Variants in ZNF536 observed in about 807,000 individuals in gnomAD.
ZNF536 encodes the protein zinc finger protein 536.
In ZNF536, 13 loss-of-function variants were observed where a neutral mutation model predicts 84.5. The observed-to-expected ratio is 0.15, with a 90% CI of 0.10 to 0.24. The LOEUF (loss-of-function observed/expected upper bound fraction) is 0.24. Ranked by LOEUF, ZNF536 falls within the 10% of genes least tolerant of loss-of-function variation. ZNF536 has a pLI of 1.00. For synonymous variants in ZNF536, 811 were observed against 742.5 expected (o/e 1.09, Z -1.50); for missense variants, 1,536 against 1,747.5 (o/e 0.88, Z 2.16).
At chr19:30,431,214 G>A (rs926932610) in intron 1 of ZNF536, among the ~76,000 whole-genome samples, 3 of 152,160 alleles carry the variant, frequency 2.0e-5, no homozygotes, top group African/African-American at 7.2e-5. Flanking sequence ...CGTTGAGGGG[G>A]TCAGAGTCAG....
intron 1 of ZNF536, among the ~76,000 whole-genome samples, chr19:30,386,635 C>T (rs1251544816): frequency 6.6e-6 from 1 of 152,230 alleles, no homozygotes; most frequent in Non-Finnish European, 1.5e-5. Flanking sequence ...GCCTTGGCCT[C>T]CCAAAATGTT....
Position 30,626,605 on chromosome 19 carries a change from C to T in ZNF536, c.169+77091C>T, listed in dbSNP as rs180772979. Among the ~76,000 whole-genome samples, 858 of 152,252 alleles carry T rather than the reference C, an allele frequency of 5.6e-3. 3 individuals carry two copies. The highest frequency in any genetic ancestry group is 9.5e-3 in the Non-Finnish European group (646 of 68,024). On this transcript the variant is annotated intron_variant, in intron 1 of 1. Transcript: ENST00000592773. ...CTGGAGCCTGGGAGGCCTTTTCCCCCGCTACCCCCACTTGGAGGCTCAGGA... is the reference window on the plus strand; with the variant it reads ...CTGGAGCCTGGGAGGCCTTTTCCCCTGCTACCCCCACTTGGAGGCTCAGGA...
intron 1 of ZNF536, chr19:30,436,518 A>C (rs1764259326): frequency 1.0e-6 from 1 of 985,152 alleles, no homozygotes; most frequent in Admixed American, 6.2e-5. Flanking sequence ...TCTAGGCCAA[A>C]ATGTAAGCAT....
At chr19:30,606,632 A>G (rs975917222) in intron 1 of ZNF536, among the ~76,000 whole-genome samples, 18 of 152,212 alleles carry the variant, frequency 1.2e-4, no homozygotes, top group African/African-American at 3.4e-4. Flanking sequence ...TCCATCATGA[A>G]TTGGTAGGTA....
chr19:30,498,549 C>T (rs939145380), intron 2 of ZNF536, among the ~76,000 whole-genome samples: 2 of 151,762 alleles, frequency 1.3e-5, no homozygotes, highest in African/African-American at 4.8e-5. Context: ...CACATGTTTG[C>T]CTATGTAACA....
rs113523505 is a variant in ZNF536, at chr19:30,694,093, C to T, written c.170-16664C>T. On this transcript the variant is annotated intron_variant, in intron 1 of 1. Transcript: ENST00000592773. ...TGCCAGCTTTCAGTGGATTGGATAT[C>T]GATACACTTAAGGTGCTTCATGCTG... Among the ~76,000 whole-genome samples the T allele has an allele frequency of 4.8e-3, 734 of 152,218 alleles. 9 individuals are homozygous for T. The highest frequency in any genetic ancestry group is 0.017 in the African/African-American group (695 of 41,536).
At chr19:30,622,059 C>T (rs1347469407) in intron 1 of ZNF536, among the ~76,000 whole-genome samples, 3 of 152,200 alleles carry the variant, frequency 2.0e-5, no homozygotes, top group Admixed American at 6.5e-5. Context: ...CCATCAACTT[C>T]CCGGCTTGAA....
chr19:30,462,427 ATTT>A (rs975324023), intron 2 of ZNF536, among the ~76,000 whole-genome samples: 1 of 151,272 alleles, frequency 6.6e-6, no homozygotes, highest in Non-Finnish European at 1.5e-5. Flanking sequence ...AGTTACCTTA[ATTT>A]TTCAGGTGTA....
At chr19:30,542,851 C>T (rs1320942157) in intron 3 of ZNF536, among the ~76,000 whole-genome samples, 1 of 152,112 alleles carries the variant, frequency 6.6e-6, no homozygotes, top group Non-Finnish European at 1.5e-5. Context: ...TCACTCTATC[C>T]CCCAGGTTGG....
intron 1 of ZNF536, among the ~76,000 whole-genome samples, chr19:30,275,123 G>A (rs1203477385): frequency 2.6e-5 from 4 of 152,160 alleles, no homozygotes; most frequent in Non-Finnish European, 5.9e-5. Context: ...TGGGTGGAGC[G>A]AGGTTCAGGG....
intron 3 of ZNF536, among the ~76,000 whole-genome samples, chr19:30,546,419 T>A (rs2045560901): frequency 1.3e-5 from 2 of 152,268 alleles, no homozygotes; most frequent in Admixed American, 1.3e-4. Context: ...CCAGGAGAGA[T>A]CTCAGCTGCT....
At chr19:30,646,248 C>G (rs1208479729) in intron 1 of ZNF536, among the ~76,000 whole-genome samples, 1 of 152,190 alleles carries the variant, frequency 6.6e-6, no homozygotes, top group Non-Finnish European at 1.5e-5. Flanking sequence ...CTGTCATGTG[C>G]CTCCCCAACT....
At chr19:30,238,607 C>T (rs554173925) in intron 1 of ZNF536, among the ~76,000 whole-genome samples, 59 of 152,002 alleles carry the variant, frequency 3.9e-4, no homozygotes, top group African/African-American at 1.4e-3. Context: ...TTCTTTCTTC[C>T]GTCTTTTCCT....
intron 1 of ZNF536, among the ~76,000 whole-genome samples, chr19:30,686,853 T>C (rs1196795126): frequency 2.6e-5 from 4 of 152,000 alleles, no homozygotes; most frequent in Admixed American, 1.3e-4. Context: ...TCGATGATCA[T>C]GTGGTATAAG....
intron 2 of ZNF536, among the ~76,000 whole-genome samples, chr19:30,321,706 T>C (rs1358170939): frequency 2.0e-5 from 3 of 150,696 alleles, no homozygotes. Flanking sequence ...CTTTTCATCT[T>C]CCTCTTTTTT....
chr19:30,279,802 C>T (rs1007644625), intron 1 of ZNF536, among the ~76,000 whole-genome samples: 1 of 152,224 alleles, frequency 6.6e-6, no homozygotes, highest in African/African-American at 2.4e-5. Context: ...GCTGTTTCCC[C>T]TCTGGAGCTC....
Position 30,385,165 on chromosome 19 carries a change from C to T in ZNF536, c.-3+12609C>T, listed in dbSNP as rs190019633. Among the ~76,000 whole-genome samples the T allele has an allele frequency of 2.3e-3, 353 of 152,140 alleles. 11 individuals carry two copies. Among genetic ancestry groups the T allele is most frequent in the Non-Finnish European group, 2.0e-3 (136 of 67,986 alleles). On this transcript the variant is annotated intron_variant, in intron 1 of 4. Coordinates refer to ENST00000355537, the MANE Select transcript of ZNF536 (RefSeq NM_014717.3). The stretch of plus-strand genomic sequence containing the variant: ...AGCTGCCCCAGGCATCCTTCTCTTT[C>T]ATTCAGGGTAGGAAGGGCCTTTCCA...
At chr19:30,247,440 G>A (rs904866334) in intron 1 of ZNF536, among the ~76,000 whole-genome samples, 2 of 152,152 alleles carry the variant, frequency 1.3e-5, no homozygotes, top group Non-Finnish European at 2.9e-5. Context: ...CTTTGCAGGG[G>A]GTGCTGTTGT....
chr19:30,424,725 C>T (rs1374951426), intron 1 of ZNF536, among the ~76,000 whole-genome samples: 1 of 152,200 alleles, frequency 6.6e-6, no homozygotes, highest in East Asian at 1.9e-4. Context: ...CCTAACATAG[C>T]TAAAATCACT....
Sources: gnomAD v4.1 joint callset for allele counts (sites outside exome capture counted in the v4.1 genomes callset) on GRCh38, gnomAD v4.1.1 for gene constraint, MANE v1.5 for transcripts, NCBI Gene and HGNC (gene_info 2026-07-23, HGNC 2026-07-21) for gene names.